CDC42SE2: variants seen among roughly 807,000 people sequenced by gnomAD.
CDC42SE2 encodes the protein CDC42 small effector protein 2.
A neutral mutation model predicts 11.5 loss-of-function variants in CDC42SE2; 3 were observed. The ratio of observed to expected loss-of-function variants is 0.26; its 90% CI spans 0.12 to 0.67. The LOEUF is 0.67. Among genes scored for constraint, CDC42SE2 ranks in the 30% least tolerant of loss-of-function variants. The pLI, the probability that CDC42SE2 is intolerant of heterozygous loss-of-function variation, is 0.80. For synonymous variants in CDC42SE2, 33 were observed against 34.8 expected (o/e 0.95, Z 0.18); for missense variants, 82 against 106.8 (o/e 0.77, Z 1.02).
chr5:131,287,105 G>C lies in CDC42SE2; in HGVS notation c.-455+22939G>C, dbSNP rs144479823. On this transcript the variant is annotated intron_variant, in intron 1 of 4. Transcript: ENST00000505065. Reference sequence around the variant, plus strand: ...TGCCTCCTGGGTTCAAGCGATTCTCGTGCCTCAGTCTCCCAAGTAGCTGGG... The same window carrying C: ...TGCCTCCTGGGTTCAAGCGATTCTCCTGCCTCAGTCTCCCAAGTAGCTGGG... Among the ~76,000 whole-genome samples, 614 of 151,968 alleles carry C rather than the reference G, an allele frequency of 4.0e-3. 6 individuals are homozygous for C. Among genetic ancestry groups the C allele is most frequent in the African/African-American group, 0.014 (594 of 41,444 alleles).
intron 3 of CDC42SE2, among the ~76,000 whole-genome samples, chr5:131,381,036 C>T (rs1275331200): frequency 6.6e-6 from 1 of 152,214 alleles, no homozygotes; most frequent in East Asian, 1.9e-4. Context: ...CCTCTTGACA[C>T]TTGTACACAC....
intron 1 of CDC42SE2, among the ~76,000 whole-genome samples, chr5:131,290,440 A>T (rs1431303845): frequency 6.7e-6 from 1 of 150,300 alleles, no homozygotes; most frequent in Non-Finnish European, 1.5e-5. Flanking sequence ...AAGTTTTGAG[A>T]AACTGTATAA....
chr5:131,234,256 T>G, the CDC42SE2 span, among the ~76,000 whole-genome samples: 1 of 152,332 alleles, frequency 6.6e-6, no homozygotes, highest in Non-Finnish European at 1.5e-5. Context: ...TTCATCTTAT[T>G]GAAGTTTTAA....
At chr5:131,381,270 C>T (rs183746940) in intron 3 of CDC42SE2, among the ~76,000 whole-genome samples, 186 of 152,124 alleles carry the variant, frequency 1.2e-3, no homozygotes, top group African/African-American at 4.3e-3. Context: ...TTCTTAACTC[C>T]TCCCTCTCAC....
upstream of CDC42SE2, among the ~76,000 whole-genome samples, chr5:131,262,184 TA>T (rs1756744500): frequency 6.6e-6 from 1 of 151,782 alleles, no homozygotes; most frequent in Non-Finnish European, 1.5e-5. Context: ...TTTTTTGTTC[TA>T]GGAAATTTTT....
chr5:131,311,499 G>C lies in CDC42SE2; in HGVS notation c.-454-4477G>C, dbSNP rs981149413. 4.9e-4 allele frequency among the ~76,000 whole-genome samples: 75 copies of C among 151,848 alleles called. 1 individual carries two copies. Among genetic ancestry groups the C allele is most frequent in the South Asian group, 6.2e-4 (3 of 4,814 alleles). On this transcript the variant is annotated intron_variant, in intron 1 of 4. Coordinates refer to ENST00000505065, the MANE Select transcript of CDC42SE2 (RefSeq NM_001375635.1). The stretch of plus-strand genomic sequence containing the variant: ...ATCTGAACGTTGGCCTGCCTTGCTA[G>C]ATTGGGGAAGTTCTCCTGGATAATA...
intron 2 of CDC42SE2, among the ~76,000 whole-genome samples, chr5:131,350,800 A>G (rs1268999013): frequency 1.3e-5 from 2 of 152,164 alleles, no homozygotes; most frequent in Non-Finnish European, 1.5e-5. Context: ...ACTAAAAGCA[A>G]TTTTGAAAAA....
At chr5:131,362,973 C>A (rs1749752505) in intron 3 of CDC42SE2, among the ~76,000 whole-genome samples, 1 of 152,012 alleles carries the variant, frequency 6.6e-6, no homozygotes, top group East Asian at 1.9e-4. Flanking sequence ...ATGGTGAAAC[C>A]CTGTCTCTAC....
intron 1 of CDC42SE2, among the ~76,000 whole-genome samples, chr5:131,275,090 A>G (rs1275386130): frequency 6.6e-6 from 1 of 152,200 alleles, no homozygotes; most frequent in African/African-American, 2.4e-5. Flanking sequence ...TACACAGTAA[A>G]ATGGTAAGGG....
At chr5:131,231,477 T>C in the CDC42SE2 span, among the ~76,000 whole-genome samples, 1 of 152,202 alleles carries the variant, frequency 6.6e-6, no homozygotes, top group Non-Finnish European at 1.5e-5. Flanking sequence ...TTGTTATGAT[T>C]CTGTGAGTTG....
chr5:131,365,722 C>T (rs1749832122), intron 3 of CDC42SE2, among the ~76,000 whole-genome samples: 1 of 152,176 alleles, frequency 6.6e-6, no homozygotes, highest in South Asian at 2.1e-4. Context: ...GTGGCTCACA[C>T]CTGTATCCCC....
At chr5:131,275,167 A>G (rs1757075426) in intron 1 of CDC42SE2, among the ~76,000 whole-genome samples, 1 of 152,180 alleles carries the variant, frequency 6.6e-6, no homozygotes, top group African/African-American at 2.4e-5. Context: ...CTGATTTGGT[A>G]GTAGGGTGAC....
chr5:131,233,582 G>T, the CDC42SE2 span, among the ~76,000 whole-genome samples: 1 of 152,142 alleles, frequency 6.6e-6, no homozygotes, highest in Non-Finnish European at 1.5e-5. Context: ...TGGCCAAGCT[G>T]GTCTCGAACT....
At chr5:131,303,847 T>C (rs1347727426) in intron 1 of CDC42SE2, among the ~76,000 whole-genome samples, 1 of 152,192 alleles carries the variant, frequency 6.6e-6, no homozygotes, top group Non-Finnish European at 1.5e-5. Flanking sequence ...ACTTAATTTC[T>C]TTAAAAATGC....
At chr5:131,332,995 G>T (rs1238056296) in intron 2 of CDC42SE2, among the ~76,000 whole-genome samples, 1 of 152,056 alleles carries the variant, frequency 6.6e-6, no homozygotes, top group African/African-American at 2.4e-5. Context: ...TATCAATTTT[G>T]GCTTTTGTTG....
upstream of CDC42SE2, among the ~76,000 whole-genome samples, chr5:131,263,078 A>G (rs1474160476): frequency 2.0e-5 from 3 of 150,316 alleles, no homozygotes; most frequent in Non-Finnish European, 1.5e-5. Context: ...AACTATAGGT[A>G]CACGCCAACA....
At chr5:131,303,667 C>T (rs1341072919) in intron 1 of CDC42SE2, among the ~76,000 whole-genome samples, 2 of 152,160 alleles carry the variant, frequency 1.3e-5, no homozygotes, top group East Asian at 1.9e-4. Context: ...AACAGATACC[C>T]TAAGGCAGGA....
upstream of CDC42SE2, chr5:131,263,987 C>T (rs1481132370): frequency 6.6e-6 from 1 of 151,584 alleles, no homozygotes; most frequent in Non-Finnish European, 1.5e-5. Flanking sequence ...TCCGGCCGCT[C>T]TAGGGGCGCG....
the CDC42SE2 span, among the ~76,000 whole-genome samples, chr5:131,226,719 G>A: frequency 1.8e-3 from 280 of 152,354 alleles, 2 homozygotes; most frequent in Admixed American, 7.4e-3. Flanking sequence ...AGCAAGTTCA[G>A]TAGGTTGTTG....
Sources: gnomAD v4.1 joint callset for allele counts (sites outside exome capture counted in the v4.1 genomes callset) on GRCh38, gnomAD v4.1.1 for gene constraint, MANE v1.5 for transcripts, NCBI Gene and HGNC (gene_info 2026-07-23, HGNC 2026-07-21) for gene names.